KLF7: variants seen among roughly 807,000 people sequenced by gnomAD.
KLF7 encodes Krueppel-like factor 7.
KLF7 carries 2 observed loss-of-function variants against 27.3 expected under a neutral mutation model. The ratio of observed to expected loss-of-function variants is 0.07; its 90% CI spans 0.03 to 0.23. KLF7 has a LOEUF of 0.23. KLF7 is among the 10% of genes least tolerant of loss of function. KLF7 has a pLI of 1.00. For missense variants in KLF7, 221 were observed against 394.1 expected (o/e 0.56, Z 3.72); for synonymous variants, 165 against 162.4 (o/e 1.02, Z -0.12).
intron 1 of KLF7, among the ~76,000 whole-genome samples, chr2:207,138,556 T>A (rs755508947): frequency 6.6e-6 from 1 of 152,206 alleles, no homozygotes; most frequent in Non-Finnish European, 1.5e-5. Flanking sequence ...TCATTCTTAG[T>A]CTAAGGCAGT....
chr2:207,139,676 T>C (rs947732498), intron 1 of KLF7, among the ~76,000 whole-genome samples: 2 of 152,200 alleles, frequency 1.3e-5, no homozygotes, highest in African/African-American at 4.8e-5. Context: ...ACTACATTTC[T>C]CTACGTAATC....
Position 207,077,140 on chromosome 2 carries a change from A to G in KLF7, c.*4073T>C, listed in dbSNP as rs540828366. ...TTATGAAGTGACTTCCATAAAGGAA[A>G]CCATTTTGAACCATCAAAACGAGTC... On this transcript the variant is annotated 3_prime_UTR_variant, in exon 4 of 4. Coordinates refer to ENST00000309446, the MANE Select transcript of KLF7 (RefSeq NM_003709.4). 3 of 152,288 alleles carry G rather than the reference A, an allele frequency of 2.0e-5. No homozygotes were observed. The allele number at this position is 152,288 out of a possible 1,614,324, so 9.4% of individuals were successfully genotyped here.
intron 2 of KLF7, among the ~76,000 whole-genome samples, chr2:207,118,196 T>C (rs1195435608): frequency 6.6e-6 from 1 of 152,214 alleles, no homozygotes; most frequent in Admixed American, 6.5e-5. Context: ...TCTTATTTGA[T>C]AGGGACAGAA....
At chr2:207,150,599 A>G (rs565159434) in intron 1 of KLF7, among the ~76,000 whole-genome samples, 1 of 152,336 alleles carries the variant, frequency 6.6e-6, no homozygotes, top group African/African-American at 2.4e-5. Flanking sequence ...CAATCCTACT[A>G]TCATAAGCCC....
intron 2 of KLF7, among the ~76,000 whole-genome samples, chr2:207,092,937 C>T (rs1240008080): frequency 1.3e-5 from 2 of 152,200 alleles, no homozygotes; most frequent in Non-Finnish European, 2.9e-5. Flanking sequence ...CACAACCCTA[C>T]TTCTGGCCAC....
chr2:207,119,619 C>T (rs531696061), intron 2 of KLF7, among the ~76,000 whole-genome samples: 54 of 152,334 alleles, frequency 3.5e-4, no homozygotes, highest in African/African-American at 1.2e-3. Context: ...GAAAGGTCTG[C>T]AATGACTTGG....
chr2:207,132,210 C>T (rs2077655111), intron 1 of KLF7, among the ~76,000 whole-genome samples: 1 of 152,104 alleles, frequency 6.6e-6, no homozygotes, highest in African/African-American at 2.4e-5. Context: ...TAGCACACCC[C>T]AGAGGTACAA....
In KLF7 at chr2:207,132,253, C is replaced by T. The variant is rs544509947; in HGVS notation, c.103-7849G>A. On this transcript the variant is annotated intron_variant, in intron 1 of 3. Transcript: ENST00000309446. ...ACACATTACTGTCAGGATTGCTGAA[C>T]TCCATGAAATAACCAGGGGACTACA... Among the ~76,000 whole-genome samples, 5 of 152,290 alleles carry T rather than the reference C, an allele frequency of 3.3e-5. No homozygotes were observed. In the East Asian group the frequency reaches 9.6e-4, roughly 29 times the overall value.
intron 1 of KLF7, among the ~76,000 whole-genome samples, chr2:207,155,907 C>T (rs907345879): frequency 7.9e-5 from 12 of 152,306 alleles, no homozygotes; most frequent in African/African-American, 2.9e-4. Flanking sequence ...AAATTTGCCG[C>T]CTCTCCAAAA....
At chr2:207,098,173 C>T (rs1035117884) in intron 2 of KLF7, among the ~76,000 whole-genome samples, 1 of 151,776 alleles carries the variant, frequency 6.6e-6, no homozygotes, top group African/African-American at 2.4e-5. Context: ...TGTTTTTGTT[C>T]TTTTTGTTTT....
At chr2:207,154,754 A>C (rs937425347) in intron 1 of KLF7, among the ~76,000 whole-genome samples, 1 of 152,200 alleles carries the variant, frequency 6.6e-6, no homozygotes, top group Non-Finnish European at 1.5e-5. Context: ...TCTTATCAGG[A>C]ATTAAGAACT....
At chr2:207,162,224 T>C (rs1282592282) in intron 1 of KLF7, among the ~76,000 whole-genome samples, 2 of 152,210 alleles carry the variant, frequency 1.3e-5, no homozygotes, top group Non-Finnish European at 2.9e-5. Flanking sequence ...TGAGTTTCCC[T>C]TTACTCATAA....
At chr2:207,134,154 ATTTTTTT>A (rs35538720) in intron 1 of KLF7, 6 of 1,142,534 alleles carry the variant, frequency 5.3e-6, no homozygotes, top group African/African-American at 3.7e-5. Flanking sequence ...GGCTACTGGG[ATTTTTTT>A]TTTTTTTTTT....
At chr2:207,140,348 A>G (rs1209179315) in intron 1 of KLF7, among the ~76,000 whole-genome samples, 1 of 152,262 alleles carries the variant, frequency 6.6e-6, no homozygotes, top group Non-Finnish European at 1.5e-5. Context: ...ACATTTTCTA[A>G]TTTTAATAAA....
intron 1 of KLF7, chr2:207,134,207 GA>G: frequency 8.3e-7 from 1 of 1,207,730 alleles, no homozygotes; most frequent in Non-Finnish European, 1.1e-6. Context: ...CTCCTTCCTG[GA>G]ACACAGTCAT....
At chr2:207,118,990 G>A (rs2077264169) in intron 2 of KLF7, among the ~76,000 whole-genome samples, 1 of 152,084 alleles carries the variant, frequency 6.6e-6, no homozygotes, top group Non-Finnish European at 1.5e-5. Context: ...CAATAAGATG[G>A]GCCCCAAAGA....
At chr2:207,134,116 T>A in intron 1 of KLF7, 1 of 1,526,370 alleles carries the variant, frequency 6.6e-7, no homozygotes, top group South Asian at 1.2e-5. Flanking sequence ...CCCCTTCCTC[T>A]CCCAAATCAC....
At chr2:207,127,295 T>C (rs1398898140) in intron 1 of KLF7, among the ~76,000 whole-genome samples, 1 of 152,222 alleles carries the variant, frequency 6.6e-6, no homozygotes, top group Non-Finnish European at 1.5e-5. Flanking sequence ...GGGACAGTCC[T>C]GTCAAATCAT....
chr2:207,171,754 GCA>G (rs2078787511), upstream of KLF7, among the ~76,000 whole-genome samples: 1 of 152,154 alleles, frequency 6.6e-6, no homozygotes. Context: ...CAATGCTATT[GCA>G]CACTTACTAT....
Sources: allele counts gnomAD v4.1 joint callset (sites outside exome capture counted in the v4.1 genomes callset), GRCh38; gene constraint gnomAD v4.1.1; transcripts MANE v1.5; gene names NCBI Gene and HGNC (gene_info 2026-07-23, HGNC 2026-07-21).